Variants in LTBP1 observed in about 807,000 individuals in gnomAD.
LTBP1 encodes latent transforming growth factor beta binding protein 1, also known as latent-transforming growth factor beta-binding protein 1.
LTBP1 carries 129 observed loss-of-function variants against 207.6 expected under a neutral mutation model. The ratio of observed to expected loss-of-function variants is 0.62; its 90% CI spans 0.54 to 0.72. LTBP1 has a LOEUF of 0.72. Among genes scored for constraint, LTBP1 ranks in the 30% least tolerant of loss-of-function variants. The pLI is 0.00. For missense variants in LTBP1, 2,281 were observed against 2,217.2 expected (o/e 1.03, Z -0.58); for synonymous variants, 963 against 833.7 (o/e 1.16, Z -2.67).
Position 33,280,168 on chromosome 2 carries a change from A to G in LTBP1, c.3112+10A>G, listed in dbSNP as rs775497541. On this transcript the variant is annotated intron_variant, in intron 19 of 33. Transcript: ENST00000404816. ...AATGGACAGTGCCTTGGTAGGTACT[A>G]TAGTGTACTTATCAAAGATTTGTTT... 3 of 1,604,902 alleles carry G rather than the reference A, an allele frequency of 1.9e-6. No individual in the cohort carries two copies. The highest frequency in any genetic ancestry group is 1.7e-6 in the Non-Finnish European group (2 of 1,176,770).
At chr2:32,990,534 T>C (rs952260697) in intron 2 of LTBP1, among the ~76,000 whole-genome samples, 1 of 152,360 alleles carries the variant, frequency 6.6e-6, no homozygotes, top group Non-Finnish European at 1.5e-5. Context: ...AGTATTTACT[T>C]ACGTTGTTTA....
rs978381205 is a variant in LTBP1, at chr2:33,056,814, G to A, written c.863+35608G>A. Reference sequence around the variant, plus strand: ...AAAAGAACAAAGCTTCCACAGTGTGGAAGGGGACCCGGACGGGTTGCCACT... The same window carrying A: ...AAAAGAACAAAGCTTCCACAGTGTGAAAGGGGACCCGGACGGGTTGCCACT... On this transcript the variant is annotated intron_variant, in intron 3 of 33. Coordinates refer to ENST00000404816, the MANE Select transcript of LTBP1 (RefSeq NM_206943.4). Among the ~76,000 whole-genome samples, 7 of 152,186 alleles carry A rather than the reference G, an allele frequency of 4.6e-5. 1 individual carries two copies. In the South Asian group the frequency reaches 1.2e-3, roughly 27 times the overall value.
intron 5 of LTBP1, among the ~76,000 whole-genome samples, chr2:33,165,342 A>ATT (rs2084823703): frequency 2.0e-5 from 3 of 152,346 alleles, no homozygotes; most frequent in Admixed American, 2.0e-4. Flanking sequence ...CGCTGAAGAG[A>ATT]GAGAAGCAGT....
intron 26 of LTBP1, among the ~76,000 whole-genome samples, chr2:33,358,381 A>G (rs1236479406): frequency 6.6e-6 from 1 of 152,048 alleles, no homozygotes; most frequent in East Asian, 1.9e-4. Flanking sequence ...TTTACCATAT[A>G]TGTATTTGTC....
At chr2:33,384,562 C>T (rs996276456) in intron 31 of LTBP1, among the ~76,000 whole-genome samples, 2 of 152,112 alleles carry the variant, frequency 1.3e-5, no homozygotes, top group Non-Finnish European at 2.9e-5. Flanking sequence ...TCCTTTGCAC[C>T]GAGCCCCAGA....
At chr2:33,078,487 G>C (rs575109499) in intron 3 of LTBP1, among the ~76,000 whole-genome samples, 1 of 152,174 alleles carries the variant, frequency 6.6e-6, no homozygotes, top group Non-Finnish European at 1.5e-5. Flanking sequence ...AGCTTATCTT[G>C]ATTACCTGTG....
intron 3 of LTBP1, among the ~76,000 whole-genome samples, chr2:33,081,563 T>A (rs2078401947): frequency 6.6e-6 from 1 of 152,056 alleles, no homozygotes; most frequent in Admixed American, 6.5e-5. Context: ...TCTGTAATGT[T>A]GAAAGGACCT....
At chr2:33,262,057 G>A (rs2093026817) in intron 13 of LTBP1, among the ~76,000 whole-genome samples, 1 of 152,158 alleles carries the variant, frequency 6.6e-6, no homozygotes, top group Non-Finnish European at 1.5e-5. Context: ...CTGAGCCACG[G>A]ATGATGGACT....
intron 32 of LTBP1, among the ~76,000 whole-genome samples, chr2:33,393,733 A>T (rs817204): frequency 6.6e-6 from 1 of 152,094 alleles, no homozygotes; most frequent in Non-Finnish European, 1.5e-5. Context: ...GCTATTGTGA[A>T]TAGTGCCACA....
intron 2 of LTBP1, among the ~76,000 whole-genome samples, chr2:33,004,815 A>ATATAT (rs1558501551): frequency 2.1e-5 from 3 of 143,634 alleles, no homozygotes; most frequent in Admixed American, 1.4e-4. Context: ...ATATATATAT[A>ATATAT]AACATAAAAT....
rs1008507718 is a variant in LTBP1, at chr2:33,135,032, C to G, written c.1201+72C>G. 8 of 1,432,360 alleles carry G rather than the reference C, an allele frequency of 5.6e-6. No individual in the cohort carries two copies. The South Asian group carries it at 7.1e-5, about 13-fold the overall frequency. The allele number at this position is 1,432,360 out of a possible 1,614,324, so 88.7% of individuals were successfully genotyped here. A position where few individuals can be genotyped will look rare whatever the true frequency, so the allele number is the denominator to read the frequency against. ...ATGAGATTGTAGCATTTAGACACCC[C>G]CTCCATTCACACTGCTGTCTGCTTC... is the stretch of plus-strand genomic sequence containing the variant. On this transcript the variant is annotated intron_variant, in intron 5 of 33. Coordinates refer to ENST00000404816, the MANE Select transcript of LTBP1 (RefSeq NM_206943.4).
chr2:33,235,862 A>C (rs1285425794), intron 9 of LTBP1, among the ~76,000 whole-genome samples: 1 of 152,096 alleles, frequency 6.6e-6, no homozygotes, highest in Non-Finnish European at 1.5e-5. Flanking sequence ...GTGAGATTAC[A>C]TGGACACAGG....
At chr2:33,131,760 G>T (rs1213966366) in intron 4 of LTBP1, among the ~76,000 whole-genome samples, 1 of 152,228 alleles carries the variant, frequency 6.6e-6, no homozygotes, top group Non-Finnish European at 1.5e-5. Flanking sequence ...CCAAGAAGAT[G>T]TGAACATTGT....
At chr2:33,015,631 C>CTGGG (rs1195786169) in intron 2 of LTBP1, among the ~76,000 whole-genome samples, 1 of 67,446 alleles carries the variant, frequency 1.5e-5, no homozygotes, top group Non-Finnish European at 2.7e-5. Context: ...CGTGATAGGG[C>CTGGG]TGGGTGGGTG....
At chr2:33,083,489 G>T (rs12987529) in intron 3 of LTBP1, among the ~76,000 whole-genome samples, 9,886 of 152,112 alleles carry the variant, frequency 0.065, 409 homozygotes, top group South Asian at 0.18. Flanking sequence ...TGTGATGAGG[G>T]TTGTGTTTCT....
intron 15 of LTBP1, among the ~76,000 whole-genome samples, chr2:33,264,255 CAAA>C (rs33981203): frequency 4.2e-4 from 38 of 91,222 alleles, no homozygotes; most frequent in Admixed American, 8.7e-4. Flanking sequence ...GACTCTGTCT[CAAA>C]AAAAAAAAAA....
At chr2:33,338,461 C>T (rs1478606577) in intron 24 of LTBP1, among the ~76,000 whole-genome samples, 2 of 152,232 alleles carry the variant, frequency 1.3e-5, no homozygotes, top group African/African-American at 4.8e-5. Context: ...TCTCTTTCTC[C>T]TCCTTAGCTG....
intron 5 of LTBP1, among the ~76,000 whole-genome samples, chr2:33,178,300 G>A (rs925713638): frequency 6.6e-6 from 1 of 152,142 alleles, no homozygotes; most frequent in African/African-American, 2.4e-5. Context: ...TTTATGACAT[G>A]CCTAATATAT....
intron 9 of LTBP1, among the ~76,000 whole-genome samples, chr2:33,226,932 TC>T (rs1463270357): frequency 3.9e-5 from 6 of 152,194 alleles, no homozygotes; most frequent in Admixed American, 3.9e-4. Context: ...TATCTAAACA[TC>T]TTTGTCTGAT....
Sources: gnomAD v4.1 joint callset for allele counts (sites outside exome capture counted in the v4.1 genomes callset) on GRCh38, gnomAD v4.1.1 for gene constraint, MANE v1.5 for transcripts, NCBI Gene and HGNC (gene_info 2026-07-23, HGNC 2026-07-21) for gene names.